Variants in ABCC4 observed in about 807,000 individuals in gnomAD.
The protein encoded by ABCC4 is ATP binding cassette subfamily C member 4 (PEL blood group), also known as ATP-binding cassette sub-family C member 4.
In ABCC4, 102 loss-of-function variants were observed where a neutral mutation model predicts 168.5. That is an observed-to-expected ratio of 0.61 (90% CI 0.52 to 0.71). The LOEUF is 0.71. Among genes scored for constraint, ABCC4 ranks in the 30% least tolerant of loss-of-function variants. The probability of loss-of-function intolerance (pLI) is 0.00; values close to 1 mark genes in which losing one functional copy is unlikely to be tolerated. For synonymous variants in ABCC4, 617 were observed against 590.7 expected (o/e 1.04, Z -0.65); for missense variants, 1,402 against 1,605.8 (o/e 0.87, Z 2.17).
chr13:95,180,888 T>C (rs576444800), intron 11 of ABCC4, among the ~76,000 whole-genome samples: 2 of 152,162 alleles, frequency 1.3e-5, no homozygotes, highest in African/African-American at 2.4e-5. Flanking sequence ...TAGTAGCACT[T>C]TGAGTACTAC....
At chr13:95,141,137 T>C (rs970932740) in intron 19 of ABCC4, among the ~76,000 whole-genome samples, 1 of 152,188 alleles carries the variant, frequency 6.6e-6, no homozygotes, top group Admixed American at 6.5e-5. Flanking sequence ...TGAACAGATC[T>C]ACTAGTTACA....
intron 20 of ABCC4, among the ~76,000 whole-genome samples, chr13:95,092,802 A>T (rs2034476982): frequency 6.6e-6 from 1 of 152,096 alleles, no homozygotes; most frequent in Non-Finnish European, 1.5e-5. Context: ...TGGTTTTTTG[A>T]AAAGGTAAAT....
intron 13 of ABCC4, among the ~76,000 whole-genome samples, chr13:95,174,899 C>G (rs181831273): frequency 6.6e-4 from 100 of 152,350 alleles, no homozygotes; most frequent in Non-Finnish European, 8.1e-4. Flanking sequence ...AGATTCAATG[C>G]TGCCATCCAC....
chr13:95,100,467 T>C (rs1037123979), intron 20 of ABCC4, among the ~76,000 whole-genome samples: 14 of 152,144 alleles, frequency 9.2e-5, no homozygotes, highest in Non-Finnish European at 2.1e-4. Flanking sequence ...AACCATTGCA[T>C]CTTTCATTAA....
chr13:95,206,856 A>G (rs1019652506), intron 7 of ABCC4, 75 bp from the exon 8 acceptor site: 1 of 1,511,156 alleles, frequency 6.6e-7, no homozygotes, highest in African/African-American at 1.4e-5. Context: ...CAATCTCAGC[A>G]CTTTGGGAGC....
Position 95,032,600 on chromosome 13 carries a change from G to A in ABCC4, c.3870+2005C>T, listed in dbSNP as rs534397827. On this transcript the variant is annotated intron_variant, in intron 30 of 30. Coordinates refer to ENST00000645237, the MANE Select transcript of ABCC4 (RefSeq NM_005845.5). ...GAAATAGGAGCTGAAGGCAACCTAG[G>A]TTTTATTTGGATAAATCTTTAATAC... Among the ~76,000 whole-genome samples, 7 of 152,250 alleles carry A rather than the reference G, an allele frequency of 4.6e-5. No individual in the cohort carries two copies. In the South Asian group the frequency reaches 1.5e-3, roughly 32 times the overall value.
chr13:95,283,024 G>A (rs1246280605), intron 1 of ABCC4, among the ~76,000 whole-genome samples: 2 of 151,590 alleles, frequency 1.3e-5, no homozygotes, highest in East Asian at 4.0e-4. Context: ...AGACCATCCT[G>A]GTCAACACAG....
At chr13:95,218,563 C>G (rs2039187588) in intron 4 of ABCC4, among the ~76,000 whole-genome samples, 1 of 152,116 alleles carries the variant, frequency 6.6e-6, no homozygotes, top group African/African-American at 2.4e-5. Context: ...ACAGAAAGTT[C>G]TCCGTAGGCC....
intron 19 of ABCC4, among the ~76,000 whole-genome samples, chr13:95,138,888 C>A (rs2036223589): frequency 6.6e-6 from 1 of 152,244 alleles, no homozygotes; most frequent in African/African-American, 2.4e-5. Context: ...TCACTCCACG[C>A]CAGCTGGGCA....
chr13:95,026,320 A>T (rs2031542126), intron 30 of ABCC4, among the ~76,000 whole-genome samples: 2 of 152,222 alleles, frequency 1.3e-5, no homozygotes, highest in Middle Eastern at 3.4e-3. Context: ...CTGAAAAAAC[A>T]GTGTGAGACA....
At chr13:95,211,890 T>TA (rs1166980236) in intron 4 of ABCC4, among the ~76,000 whole-genome samples, 2 of 152,020 alleles carry the variant, frequency 1.3e-5, no homozygotes, top group East Asian at 1.9e-4. Context: ...TTTGAAAAGT[T>TA]AAAAAATGGC....
At chr13:95,069,310 AATATAAAAT>A (rs2033649384) in intron 25 of ABCC4, among the ~76,000 whole-genome samples, 1 of 152,122 alleles carries the variant, frequency 6.6e-6, no homozygotes, top group Non-Finnish European at 1.5e-5. Flanking sequence ...TACAGAGACG[AATATAAAAT>A]GCTCCCTGAC....
intron 19 of ABCC4, among the ~76,000 whole-genome samples, chr13:95,156,405 T>C (rs1481099046): frequency 1.3e-5 from 2 of 152,238 alleles, no homozygotes; most frequent in Non-Finnish European, 2.9e-5. Context: ...TGCTGCCCTC[T>C]TGTGCTGGAT....
chr13:95,075,507 G>GC lies in ABCC4; in HGVS notation c.2730dup (p.Leu911AlafsTer18). The GC allele has an allele frequency of 6.2e-7, 1 of 1,614,094 alleles. No homozygotes were observed. The highest frequency in any genetic ancestry group is 8.5e-7 in the Non-Finnish European group (1 of 1,179,986). On this transcript the variant is annotated frameshift_variant, in exon 22 of 31. Transcript: ENST00000645237. LOFTEE classifies it high-confidence loss of function. ...GCTTTGTATGCCCGGATGGTCCAGA[G>GC]CCCCTGGAGAGAAGATGATAAGTGG...
intron 29 of ABCC4, among the ~76,000 whole-genome samples, chr13:95,039,169 C>G (rs987996354): frequency 3.3e-5 from 5 of 152,176 alleles, no homozygotes; most frequent in African/African-American, 1.2e-4. Context: ...ATTTCAGATA[C>G]TTTTGAATTT....
At chr13:95,201,670 A>G (rs1358165377) in intron 8 of ABCC4, among the ~76,000 whole-genome samples, 4 of 152,116 alleles carry the variant, frequency 2.6e-5, no homozygotes, top group Admixed American at 2.6e-4. Flanking sequence ...AGAAGAGATG[A>G]GGATTAAAGA....
At position 95,062,570 on chromosome 13, in the gene ABCC4, T is replaced by C. The variant is rs890487925; in HGVS notation, c.3366+134A>G. The C allele has an allele frequency of 4.5e-5, 34 of 753,014 alleles. No individual in the cohort carries two copies. In the African/African-American group the frequency reaches 4.7e-4, roughly 10 times the overall value. The allele number at this position is 753,014 out of a possible 1,614,324, so 46.6% of individuals were successfully genotyped here. A position where few individuals can be genotyped will look rare whatever the true frequency, so the allele number is the denominator to read the frequency against. ...GAAAATACCTGTTGAAAATATCTGC[T>C]CATAAAAACATGCTCTATTGGGTGA... On this transcript the variant is annotated intron_variant, in intron 26 of 30. Transcript: ENST00000645237.
At chr13:95,070,349 T>TG (rs2033684090) in intron 25 of ABCC4, among the ~76,000 whole-genome samples, 1 of 151,806 alleles carries the variant, frequency 6.6e-6, no homozygotes, top group African/African-American at 2.4e-5. Context: ...GACAGGTGCT[T>TG]GGGGAGAAGG....
chr13:95,266,979 C>A (rs575317630), intron 1 of ABCC4, among the ~76,000 whole-genome samples: 84 of 151,438 alleles, frequency 5.5e-4, no homozygotes, highest in Middle Eastern at 6.8e-3. Flanking sequence ...AAGTGATTCT[C>A]CTGCCTCAGC....
Sources: gnomAD v4.1 joint callset for allele counts (sites outside exome capture counted in the v4.1 genomes callset) on GRCh38, gnomAD v4.1.1 for gene constraint, MANE v1.5 for transcripts, NCBI Gene and HGNC (gene_info 2026-07-23, HGNC 2026-07-21) for gene names.